Variants in MEA1 observed in about 807,000 individuals in gnomAD.
MEA1 encodes the protein male-enhanced antigen 1.
A neutral mutation model predicts 21.4 loss-of-function variants in MEA1; 22 were observed. The ratio of observed to expected loss-of-function variants is 1.03; its 90% confidence interval spans 0.73 to 1.47. MEA1 has a LOEUF of 1.47. Among genes scored for constraint, MEA1 ranks in the 40% most tolerant of loss-of-function variants. MEA1 has a pLI of 0.00. For synonymous variants in MEA1, 91 were observed against 85.5 expected, an observed-to-expected ratio of 1.06 and a Z score of -0.35; for missense variants, 233 against 230.5, an observed-to-expected ratio of 1.01 and a Z score of -0.07.
In MEA1 at chr6:43,012,162, T is replaced by C. The variant is rs1229661562; in HGVS notation, c.*308A>G. 3.7e-6 allele frequency: 4 copies of C among 1,073,812 alleles called. No individual in the cohort carries two copies. Among genetic ancestry groups the C allele is most frequent in the South Asian group, 4.4e-5 (1 of 22,894 alleles). The allele number at this position is 1,073,812 out of a possible 1,614,324, so 66.5% of individuals were successfully genotyped here. ...CAGGCCTTCTCTTGTCCCTTATAGG[T>C]ACCTTGGAGGGGCCAGGGGCTGAGG... On this transcript the variant is annotated 3_prime_UTR_variant, in exon 4 of 4. Coordinates refer to ENST00000244711, the MANE Select transcript of MEA1 (RefSeq NM_014623.4).
chr6:43,012,858 T>G, intron 3 of MEA1, 68 bp downstream of exon 3: 3 of 1,463,342 alleles, frequency 2.1e-6, no homozygotes, highest in Non-Finnish European at 2.9e-6. Context: ...CTCTGAAACT[T>G]CCTTCTACTG....
upstream of MEA1, chr6:43,016,878 A>C (rs1339953184): frequency 2.6e-6 from 1 of 386,346 alleles, no homozygotes; most frequent in African/African-American, 2.0e-5. Flanking sequence ...TGATATGCAG[A>C]TTCTGAGCTG....
chr6:43,012,721 A>C, intron 3 of MEA1, 100 bp from the exon 4 acceptor site: 1 of 1,390,560 alleles, frequency 7.2e-7, no homozygotes, highest in Non-Finnish European at 9.7e-7. Flanking sequence ...TGCTAGGGTC[A>C]CCAAATCCAC....
At chr6:43,013,950 C>T, upstream of MEA1, 1 of 1,450,288 alleles carries the variant, frequency 6.9e-7, no homozygotes, top group Non-Finnish European at 9.1e-7. Flanking sequence ...TGCAGAGGTG[C>T]CTAGTCCTCC....
chr6:43,014,022 C>T, upstream of MEA1: 1 of 1,423,182 alleles, frequency 7.0e-7, no homozygotes, highest in Non-Finnish European at 9.2e-7. Flanking sequence ...CTTGCCCCGC[C>T]TCCGTCATTC....
Position 43,011,301 on chromosome 6 carries a change from ACCACAGGG to A in MEA1, c.*1161_*1168del, listed in dbSNP as rs750321103. On this transcript the variant is annotated 3_prime_UTR_variant, in exon 4 of 4. Coordinates refer to ENST00000244711, the MANE Select transcript of MEA1 (RefSeq NM_014623.4). ...AGGCTCTCTGACCCCTCACGTTCCTACCACAGGGCCACAGCCCACACAGCCCTGGGACA... is the reference window on the plus strand; with the variant it reads ...AGGCTCTCTGACCCCTCACGTTCCTACCACAGCCCACACAGCCCTGGGACA... 1.2e-6 allele frequency: 2 copies of A among 1,613,224 alleles called. No homozygotes were observed. Among genetic ancestry groups the A allele is most frequent in the Non-Finnish European group, 1.7e-6 (2 of 1,179,924 alleles).
At chr6:43,014,156 C>CCCTT (rs1762496542), upstream of MEA1, 2 of 1,416,274 alleles carry the variant, frequency 1.4e-6, no homozygotes, top group African/African-American at 2.9e-5. Context: ...CCTCAGGAAA[C>CCCTT]GTATGGACTA....
upstream of MEA1, among the ~76,000 whole-genome samples, chr6:43,016,228 C>T (rs1310213467): frequency 6.6e-6 from 1 of 152,136 alleles, no homozygotes; most frequent in African/African-American, 2.4e-5. Context: ...CCACTGTGCC[C>T]AGCCCCTTCC....
At chr6:43,014,681 G>A (rs1762517444), upstream of MEA1, 5 of 454,482 alleles carry the variant, frequency 1.1e-5, no homozygotes, top group Non-Finnish European at 2.2e-5. Flanking sequence ...AAGAAGACAG[G>A]GATAGAGTCA....
Position 43,012,384 on chromosome 6 carries a change from G to T in MEA1, c.*86C>A. ...TGTGGAAAGGGAGACGGGGAAGATG[G>T]AAATGGACATTACAACCAGGGATGT... is the stretch of plus-strand genomic sequence containing the variant. On this transcript the variant is annotated 3_prime_UTR_variant, in exon 4 of 4. Coordinates refer to ENST00000244711, the MANE Select transcript of MEA1 (RefSeq NM_014623.4). The T allele has an allele frequency of 2.7e-6, 4 of 1,492,464 alleles. No homozygotes were observed. Among genetic ancestry groups the T allele is most frequent in the Non-Finnish European group, 3.6e-6 (4 of 1,119,652 alleles). The allele number at this position is 1,492,464 out of a possible 1,614,324, so 92.5% of individuals were successfully genotyped here. A position where few individuals can be genotyped will look rare whatever the true frequency, so the allele number is the denominator to read the frequency against.
upstream of MEA1, chr6:43,014,539 A>G: frequency 2.1e-6 from 1 of 466,140 alleles, no homozygotes; most frequent in Non-Finnish European, 4.3e-6. Flanking sequence ...GATGGGTAGG[A>G]GAGACCTGGT....
chr6:43,014,702 G>C (rs773488438), upstream of MEA1: 163 of 444,140 alleles, frequency 3.7e-4, no homozygotes, highest in Middle Eastern at 3.6e-3. Flanking sequence ...TATGCAGAGA[G>C]GGGTATCGTG....
chr6:43,014,381 A>T, upstream of MEA1: 1 of 469,124 alleles, frequency 2.1e-6, no homozygotes, highest in Non-Finnish European at 4.1e-6. Flanking sequence ...GCAAGGGAGA[A>T]TTAGGGGGCT....
upstream of MEA1, chr6:43,014,032 C>T: frequency 1.4e-6 from 2 of 1,421,408 alleles, no homozygotes; most frequent in Non-Finnish European, 1.8e-6. Context: ...CTCCGTCATT[C>T]CCAGCCCAAA....
At chr6:43,014,737 C>T (rs1762519558), upstream of MEA1, 2 of 389,954 alleles carry the variant, frequency 5.1e-6, no homozygotes, top group Admixed American at 2.7e-5. Context: ...ATTTTTCTTT[C>T]CTTAGTGGAG....
chr6:43,014,296 T>C (rs1033957694), upstream of MEA1: 2 of 711,790 alleles, frequency 2.8e-6, no homozygotes, highest in Non-Finnish European at 4.6e-6. Flanking sequence ...CAACGGGTTC[T>C]AGGCTGCAGG....
intron 1 of MEA1, 42 bp downstream of exon 1, chr6:43,013,744 A>T (rs777446012): frequency 7.6e-5 from 107 of 1,409,954 alleles, no homozygotes; most frequent in Non-Finnish European, 1.0e-4. Context: ...AGGTCGGCGT[A>T]CCCGCCCCCT....
Position 43,012,305 on chromosome 6 carries a change from C to T in MEA1, c.*165G>A. ...GTGGGTTGGGCTTGGACCGATGTCC[C>T]CATATGTACAGAACTGAATAAAGTG... On this transcript the variant is annotated 3_prime_UTR_variant, in exon 4 of 4. Transcript: ENST00000244711. The T allele has an allele frequency of 7.1e-7, 1 of 1,401,286 alleles. No individual in the cohort carries two copies. The allele number at this position is 1,401,286 out of a possible 1,614,324, so 86.8% of individuals were successfully genotyped here.
upstream of MEA1, among the ~76,000 whole-genome samples, chr6:43,015,432 T>C (rs1161538331): frequency 6.6e-6 from 1 of 152,154 alleles, no homozygotes; most frequent in Admixed American, 6.6e-5. Context: ...AGGGAGCAGA[T>C]GATGATACAC....
Sources: allele counts gnomAD v4.1 joint callset (sites outside exome capture counted in the v4.1 genomes callset), GRCh38; gene constraint gnomAD v4.1.1; transcripts MANE v1.5; gene names NCBI Gene and HGNC (gene_info 2026-07-23, HGNC 2026-07-21).